KIF7: variants seen among roughly 807,000 people sequenced by gnomAD.
The protein encoded by KIF7 is kinesin family member 7, also known as kinesin-like protein KIF7.
KIF7 carries 104 observed loss-of-function variants against 135.7 expected under a neutral mutation model. The observed-to-expected ratio is 0.77, with a 90% CI of 0.65 to 0.90. The LOEUF (loss-of-function observed/expected upper bound fraction) is 0.90, where lower values mean the gene tolerates loss of function less well. Ranked by LOEUF, KIF7 falls within the 40% of genes least tolerant of loss-of-function variation. KIF7 has a pLI of 0.00. For synonymous variants in KIF7, 883 were observed against 809.4 expected (o/e 1.09, Z -1.54); for missense variants, 2,005 against 1,839.1 (o/e 1.09, Z -1.65).
intron 10 of KIF7, among the ~76,000 whole-genome samples, chr15:89,643,310 C>G (rs754223485): frequency 6.6e-6 from 1 of 152,210 alleles, no homozygotes; most frequent in Admixed American, 6.5e-5. Flanking sequence ...ATTTACCCAG[C>G]TTTTACATTG....
intron 10 of KIF7, among the ~76,000 whole-genome samples, chr15:89,644,520 CAA>C (rs558842403): frequency 6.3e-5 from 8 of 126,752 alleles, no homozygotes; most frequent in African/African-American, 2.9e-5. Flanking sequence ...ACTAAAAATA[CAA>C]AAAAAAAAAA....
intron 1 of KIF7, 121 bp from the exon 2 acceptor site, chr15:89,653,075 G>A: frequency 1.3e-6 from 1 of 779,992 alleles, no homozygotes; most frequent in Non-Finnish European, 2.0e-6. Context: ...GGGGAGGGTG[G>A]TCAAAGTTCA....
At chr15:89,634,703 G>C (rs1596069625) in intron 11 of KIF7, among the ~76,000 whole-genome samples, 2 of 152,232 alleles carry the variant, frequency 1.3e-5, no homozygotes, top group Admixed American at 1.3e-4. Flanking sequence ...CTGATTGCTA[G>C]CACAGCAGTC....
intron 14 of KIF7, among the ~76,000 whole-genome samples, chr15:89,632,088 G>A (rs189253365): frequency 2.0e-5 from 3 of 152,362 alleles, no homozygotes; most frequent in Non-Finnish European, 2.9e-5. Context: ...GGGAGGAAGT[G>A]AGGGCTCTCC....
chr15:89,619,203 T>C (rs888480067), intron 1 of KIF7, among the ~76,000 whole-genome samples: 6 of 149,202 alleles, frequency 4.0e-5, no homozygotes, highest in Non-Finnish European at 8.9e-5. Flanking sequence ...ATACTTGTTT[T>C]CGCCCTACAC....
At chr15:89,624,677 T>G, downstream of KIF7, 1 of 1,614,018 alleles carries the variant, frequency 6.2e-7, no homozygotes, top group Non-Finnish European at 8.5e-7. Context: ...TCTCCTCTGC[T>G]CATTACAAGT....
intron 14 of KIF7, 138 bp from the exon 15 acceptor site, chr15:89,631,848 G>T: frequency 1.3e-6 from 1 of 746,918 alleles, no homozygotes; most frequent in Admixed American, 2.8e-5. Context: ...TCAGCAGGGA[G>T]ACCAGACTTA....
In KIF7 at chr15:89,648,998, G is replaced by T; in HGVS notation, c.899C>A (p.Pro300His). 6.5e-7 allele frequency: 1 copy of T among 1,545,618 alleles called. No individual in the cohort carries two copies. The change falls in exon 4 of 19, where the codon CCC (proline) becomes CAC (histidine). Residue 300 changes from proline to histidine, a missense_variant. By Grantham distance (77) the Pro-to-His change is moderately conservative. Transcript: ENST00000394412. ...CCGGGTGATCTTGGAGTCGCGGTAG[G>T]GTATGTGGCTGCCCCGGCGCTGAGG... ...GDPQRRGSHI[P>H]YRDSKITRIL...
rs1286839357 is a variant in KIF7 at position 89,631,563 on chromosome 15, C to T, written c.3043G>A (p.Asp1015Asn). The change falls in exon 15 of 19, where the codon GAC becomes AAC. Residue 1015 changes from aspartate (D) to asparagine (N), a missense_variant. Asp to Asn is a conservative substitution (Grantham distance 23). Transcript: ENST00000394412. The stretch of plus-strand genomic sequence containing the variant: ...TCCAGGCGCTGCTTGAGCAGCGAGT[C>T]CTTCTCCTGGCGCAGGCTGTCGATC... ...GEIDSLRQEK[D>N]SLLKQRLEID... The T allele has an allele frequency of 1.9e-6, 3 of 1,574,060 alleles. No homozygotes were observed. The highest frequency in any genetic ancestry group is 2.6e-6 in the Non-Finnish European group (3 of 1,158,588).
At chr15:89,620,914 A>G (rs187903638) in intron 1 of KIF7, among the ~76,000 whole-genome samples, 61 of 149,910 alleles carry the variant, frequency 4.1e-4, no homozygotes, top group East Asian at 7.9e-4. Flanking sequence ...TAGTAGAGAC[A>G]GGTTTCACTG....
intron 11 of KIF7, among the ~76,000 whole-genome samples, chr15:89,634,232 G>T (rs1296101858): frequency 6.6e-6 from 1 of 152,214 alleles, no homozygotes; most frequent in Admixed American, 6.5e-5. Flanking sequence ...CCGGGAGGCA[G>T]AGGTTGCAGT....
At position 89,628,210 on chromosome 15, in the gene KIF7, T is replaced by TA. The variant is rs1963574596; in HGVS notation, c.*208dup. The TA allele has an allele frequency of 5.6e-6, 3 of 540,498 alleles. No homozygotes were observed. The highest frequency in any genetic ancestry group is 9.5e-6 in the Non-Finnish European group (3 of 314,660). The allele number at this position is 540,498 out of a possible 1,614,324, so 33.5% of individuals were successfully genotyped here. ...ATTGGGTACCACAGCTTCATGGAAG[T>TA]AAGTGGTGGGAATTTGCATATTATT... On this transcript the variant is annotated 3_prime_UTR_variant, in exon 19 of 19. Transcript: ENST00000394412.
At chr15:89,624,092 C>A, downstream of KIF7, 1 of 1,613,914 alleles carries the variant, frequency 6.2e-7, no homozygotes, top group Non-Finnish European at 8.5e-7. Context: ...ATGGGCACGC[C>A]TCAGAATCAA....
intron 1 of KIF7, among the ~76,000 whole-genome samples, chr15:89,654,330 G>GGAA (rs1555425329): frequency 6.9e-6 from 1 of 143,980 alleles, no homozygotes; most frequent in Non-Finnish European, 1.5e-5. Flanking sequence ...ATATTAAGGG[G>GGAA]AAAAAAAAAA....
chr15:89,646,980 C>G lies in KIF7; in HGVS notation c.1638G>C (p.Gly546=), dbSNP rs1318033482. ...LRLELVRPGW[G]GPRLLNGLPP... ...GCAGGCCATTCAGGAGCCGCGGGCC[C>G]CCCCAGCCTGGCCGCACCAGCTCTA... Residue 546 remains glycine, a synonymous_variant, in exon 7 of 19, where the codon GGG becomes GGC. Transcript: ENST00000394412. The G allele has an allele frequency of 6.2e-7, 1 of 1,613,370 alleles. No homozygotes were observed. Among genetic ancestry groups the G allele is most frequent in the South Asian group, 1.1e-5 (1 of 91,044 alleles).
intron 6 of KIF7, 100 bp from the exon 7 acceptor site, chr15:89,647,157 G>T: frequency 9.6e-7 from 1 of 1,044,608 alleles, no homozygotes; most frequent in Non-Finnish European, 1.4e-6. Context: ...ACCGTCTCTG[G>T]GCTGAAAATG....
intron 6 of KIF7, 40 bp downstream of exon 6, chr15:89,647,556 T>TCTGGGAAGCCTTCCCCGCA: frequency 6.4e-7 from 1 of 1,551,508 alleles, no homozygotes; most frequent in Non-Finnish European, 8.9e-7. Flanking sequence ...TTCATCCTCC[T>TCTGGGAAGCCTTCCCCGCA]CTGGGAAGCC....
rs1003474136 is a variant in KIF7, at chr15:89,649,758, T to C, written c.512A>G (p.Asp171Gly). The C allele has an allele frequency of 6.4e-7, 1 of 1,551,768 alleles. No individual in the cohort carries two copies. Among genetic ancestry groups the C allele is most frequent in the African/African-American group, 1.4e-5 (1 of 73,062 alleles). The part of the protein sequence containing the change: ...TASRDIQLRE[D>G]ERGNVVLCGV... ...TTCCTCACCAACATTCCCGCGCTCA[T>C]CTTCCCGGAGCTGGATGTCACGGCT... The change falls in exon 3 of 19, where the codon GAT becomes GGT. Residue 171 changes from aspartate (D) to glycine (G), a missense_variant. Coordinates refer to ENST00000394412, the MANE Select transcript of KIF7 (RefSeq NM_198525.3).
chr15:89,620,516 G>A (rs1437894392), intron 1 of KIF7, among the ~76,000 whole-genome samples: 1 of 151,858 alleles, frequency 6.6e-6, no homozygotes, highest in Non-Finnish European at 1.5e-5. Flanking sequence ...CCAGATATGT[G>A]TTTTTATATT....
Sources: allele counts gnomAD v4.1 joint callset (sites outside exome capture counted in the v4.1 genomes callset), GRCh38; gene constraint gnomAD v4.1.1; transcripts MANE v1.5; gene names NCBI Gene and HGNC (gene_info 2026-07-23, HGNC 2026-07-21).